LINGO2: variants seen among roughly 807,000 people sequenced by gnomAD.
LINGO2 encodes leucine-rich repeat and immunoglobulin-like domain-containing nogo receptor-interacting protein 2.
In LINGO2, 14 loss-of-function variants were observed where a neutral mutation model predicts 30.6. The ratio of observed to expected loss-of-function variants is 0.46; its 90% CI spans 0.30 to 0.72. The LOEUF is 0.72. Ranked by LOEUF, LINGO2 falls within the 30% of genes least tolerant of loss-of-function variation. The pLI, the probability that LINGO2 is intolerant of heterozygous loss-of-function variation, is 0.07. For synonymous variants in LINGO2, 317 were observed against 288.5 expected, an observed-to-expected ratio of 1.10 and a Z score of -1.00; for missense variants, 729 against 751.7, an observed-to-expected ratio of 0.97 and a Z score of 0.35.
At chr9:28,405,766 T>C (rs746290515) in intron 2 of LINGO2, among the ~76,000 whole-genome samples, 2 of 152,180 alleles carry the variant, frequency 1.3e-5, no homozygotes, top group Non-Finnish European at 2.9e-5. Flanking sequence ...AGGGCATTTT[T>C]ATCTCTTCCT....
the LINGO2 span, among the ~76,000 whole-genome samples, chr9:28,930,501 T>A: frequency 2.6e-5 from 4 of 152,310 alleles, 1 homozygote; most frequent in African/African-American, 9.6e-5. The surrounding 1 kb of genome is among the most constrained non-coding windows in gnomAD (Gnocchi z 4.2). Context: ...GACTATGTGA[T>A]AAGAATTTAA....
At chr9:29,145,886 G>T in the LINGO2 span, among the ~76,000 whole-genome samples, 19 of 152,198 alleles carry the variant, frequency 1.2e-4, no homozygotes, top group African/African-American at 4.3e-4. Context: ...CACACACAAA[G>T]ATATGTATTT....
the LINGO2 span, among the ~76,000 whole-genome samples, chr9:29,013,507 A>G: frequency 1.3e-5 from 2 of 152,138 alleles, no homozygotes; most frequent in Non-Finnish European, 2.9e-5. Context: ...GTTTTCAACA[A>G]TGGTGTAATT....
the LINGO2 span, among the ~76,000 whole-genome samples, chr9:29,036,235 T>G: frequency 6.6e-6 from 1 of 152,216 alleles, no homozygotes. Flanking sequence ...CAGCCCAGAG[T>G]TAAATATTAG....
chr9:28,980,234 T>G, the LINGO2 span, among the ~76,000 whole-genome samples: 2 of 152,088 alleles, frequency 1.3e-5, no homozygotes, highest in African/African-American at 2.4e-5. Context: ...AATGACCACA[T>G]AGGGCCCAGC....
chr9:29,097,816 A>G, the LINGO2 span, among the ~76,000 whole-genome samples: 1 of 138,830 alleles, frequency 7.2e-6, no homozygotes, highest in Non-Finnish European at 1.6e-5. Context: ...ATTATTCACA[A>G]AAATACTATG....
chr9:28,190,047 T>C (rs1278774535), intron 4 of LINGO2, among the ~76,000 whole-genome samples: 1 of 152,116 alleles, frequency 6.6e-6, no homozygotes, highest in Non-Finnish European at 1.5e-5. Context: ...TAGGCAGAAT[T>C]GTAGTGTTGT....
At chr9:28,838,859 C>G in the LINGO2 span, among the ~76,000 whole-genome samples, 1 of 152,208 alleles carries the variant, frequency 6.6e-6, no homozygotes, top group Non-Finnish European at 1.5e-5. Context: ...CGCAGAGCAG[C>G]AAGGTGTGCA....
At chr9:28,616,570 C>T (rs1826139910) in intron 1 of LINGO2, among the ~76,000 whole-genome samples, 1 of 152,170 alleles carries the variant, frequency 6.6e-6, no homozygotes. Context: ...TATGAGGGCA[C>T]ACAGAAATGA....
Position 28,357,315 on chromosome 9 carries a change from GCCC to G in LINGO2, c.-246+15518_-246+15520del, listed in dbSNP as rs1820253249. On this transcript the variant is annotated intron_variant, in intron 3 of 5. Transcript: ENST00000379992. ...AAAGTCTTTCAGATACAGAAATAAAGCCCACCCCCCCCAAAAAAGAAAGCACCA... is the reference window on the plus strand; with the variant it reads ...AAAGTCTTTCAGATACAGAAATAAAGACCCCCCCCAAAAAAGAAAGCACCA... 6.1e-5 allele frequency among the ~76,000 whole-genome samples: 4 copies of G among 66,060 alleles called. 1 individual carries two copies. Among genetic ancestry groups the G allele is most frequent in the Admixed American group, 4.7e-4 (3 of 6,352 alleles). 43.3% of individuals were successfully genotyped at this position (66,060 alleles called of 152,430 possible).
rs796876316 is a variant in LINGO2, at chr9:28,469,036, G to C, written c.-279+6904C>G. On this transcript the variant is annotated intron_variant, in intron 2 of 5. Transcript: ENST00000379992. ...TCTTAAATATGCTCTAAGAGCAAAA[G>C]AAGAATGTGGAGAAAATTCAAGGAA... Among the ~76,000 whole-genome samples the C allele has an allele frequency of 2.6e-5, 4 of 152,050 alleles. No individual in the cohort carries two copies. The East Asian group carries it at 7.7e-4, about 29-fold the overall frequency.
intron 4 of LINGO2, among the ~76,000 whole-genome samples, chr9:28,093,544 G>T (rs553545141): frequency 1.3e-5 from 2 of 151,566 alleles, no homozygotes; most frequent in Non-Finnish European, 2.9e-5. Flanking sequence ...TTTTTTAACC[G>T]TCACTTTTGC....
chr9:29,068,775 TA>T, the LINGO2 span, among the ~76,000 whole-genome samples: 1 of 151,904 alleles, frequency 6.6e-6, no homozygotes, highest in Non-Finnish European at 1.5e-5. Context: ...GGACAGATGT[TA>T]AATTCTACAT....
intron 5 of LINGO2, among the ~76,000 whole-genome samples, chr9:27,965,745 C>T (rs976430286): frequency 3.3e-5 from 5 of 151,858 alleles, no homozygotes; most frequent in African/African-American, 7.3e-5. Flanking sequence ...ATATAGTATG[C>T]CTATTCTACT....
chr9:28,912,862 A>T, the LINGO2 span, among the ~76,000 whole-genome samples: 1 of 152,158 alleles, frequency 6.6e-6, no homozygotes, highest in Non-Finnish European at 1.5e-5. Flanking sequence ...TTTTGGATTC[A>T]TGACATCACC....
At chr9:29,086,752 T>C in the LINGO2 span, among the ~76,000 whole-genome samples, 1 of 152,206 alleles carries the variant, frequency 6.6e-6, no homozygotes, top group Non-Finnish European at 1.5e-5. Context: ...AGTTCATCAT[T>C]TGAGCTACAA....
At chr9:27,947,998 C>T (rs1823434189), downstream of LINGO2, 1 of 152,146 alleles carries the variant, frequency 6.6e-6, no homozygotes, top group Non-Finnish European at 1.5e-5. Context: ...AGTGGTGTAC[C>T]ACCTTCTGGA....
the LINGO2 span, among the ~76,000 whole-genome samples, chr9:28,760,197 T>A: frequency 2.8e-3 from 432 of 152,132 alleles, 5 homozygotes; most frequent in African/African-American, 0.01. Context: ...AAAGCAAACA[T>A]TTGAATAATT....
At chr9:28,301,311 A>G (rs1824132578) in intron 3 of LINGO2, among the ~76,000 whole-genome samples, 1 of 151,856 alleles carries the variant, frequency 6.6e-6, no homozygotes, top group Non-Finnish European at 1.5e-5. Flanking sequence ...ACTGCTCTCT[A>G]GATATAGTAT....
Sources: gnomAD v4.1 joint callset for allele counts (sites outside exome capture counted in the v4.1 genomes callset) on GRCh38, gnomAD v4.1.1 for gene constraint, Gnocchi (gnomAD v3.1) non-coding constraint, MANE v1.5 for transcripts, NCBI Gene and HGNC (gene_info 2026-07-23, HGNC 2026-07-21) for gene names.